Variants in SGIP1 observed in about 807,000 individuals in gnomAD.
The protein encoded by SGIP1 is SH3-containing GRB2-like protein 3-interacting protein 1.
In SGIP1, 38 loss-of-function variants were observed where a neutral mutation model predicts 107.5. That is an observed-to-expected ratio of 0.35 (90% confidence interval 0.27 to 0.46). SGIP1 has a LOEUF of 0.46. SGIP1 is among the 20% of genes least tolerant of loss of function. The pLI, the probability that SGIP1 is intolerant of heterozygous loss-of-function variation, is 1.00. For missense variants in SGIP1, 929 were observed against 1,019.5 expected, an observed-to-expected ratio of 0.91 and a Z score of 1.21; for synonymous variants, 365 against 366.1, an observed-to-expected ratio of 1.00 and a Z score of 0.03.
At chr1:66,740,930 C>T (rs1191587851) in intron 23 of SGIP1, among the ~76,000 whole-genome samples, 1 of 152,152 alleles carries the variant, frequency 6.6e-6, no homozygotes, top group African/African-American at 2.4e-5. Context: ...ATCAAACAAA[C>T]TATCATTTAG....
At position 66,548,578 on chromosome 1, in the gene SGIP1, T is replaced by G. The variant is rs577324247; in HGVS notation, c.10+14210T>G. ...TATTTTTAAATGGCTTTGAAGCACT[T>G]CAATTATTTGATAGCCGTTCTGATA... On this transcript the variant is annotated intron_variant, in intron 1 of 24. Transcript: ENST00000371037. 2.6e-5 allele frequency among the ~76,000 whole-genome samples: 4 copies of G among 152,182 alleles called. No individual in the cohort carries two copies. In the East Asian group the frequency reaches 5.8e-4, roughly 22 times the overall value.
intron 2 of SGIP1, chr1:66,628,434 G>A (rs1037610376): frequency 2.6e-5 from 4 of 154,652 alleles, no homozygotes; most frequent in African/African-American, 7.2e-5. Context: ...AGATGGAATC[G>A]AATTTCCCTA....
chr1:66,690,049 T>C (rs1179420641), intron 16 of SGIP1, 141 bp from the exon 17 acceptor site: 1 of 948,204 alleles, frequency 1.1e-6, no homozygotes, highest in Non-Finnish European at 1.6e-6. Flanking sequence ...ATAGATAGAA[T>C]TAATTTCAGT....
intron 18 of SGIP1, among the ~76,000 whole-genome samples, chr1:66,716,941 T>C (rs537388751): frequency 6.6e-6 from 1 of 152,158 alleles, no homozygotes; most frequent in East Asian, 1.9e-4. Flanking sequence ...TCCCGTGGTT[T>C]CTTAAAATGT....
At chr1:66,727,479 T>C (rs2093808617) in intron 19 of SGIP1, among the ~76,000 whole-genome samples, 1 of 152,120 alleles carries the variant, frequency 6.6e-6, no homozygotes, top group African/African-American at 2.4e-5. Flanking sequence ...AGTTAGGCAG[T>C]TTCTTTGAGA....
chr1:66,576,224 T>A (rs1233564032), intron 1 of SGIP1, among the ~76,000 whole-genome samples: 9 of 152,174 alleles, frequency 5.9e-5, no homozygotes, highest in Admixed American at 5.9e-4. Context: ...AAGGTGTTAA[T>A]GTAGTATCAA....
At chr1:66,654,250 C>CT (rs913902515) in intron 7 of SGIP1, among the ~76,000 whole-genome samples, 5 of 152,108 alleles carry the variant, frequency 3.3e-5, no homozygotes, top group African/African-American at 1.2e-4. Context: ...AACCAAGTTT[C>CT]TTTTTTCACT....
chr1:66,689,336 A>G (rs1557638090), intron 16 of SGIP1, 61 bp downstream of exon 16: 4 of 1,577,070 alleles, frequency 2.5e-6, no homozygotes, highest in African/African-American at 1.4e-5. Flanking sequence ...AGAAGCTCCA[A>G]ATGCCTTCAG....
chr1:66,639,346 A>T (rs1172895132), intron 4 of SGIP1, among the ~76,000 whole-genome samples: 1 of 152,230 alleles, frequency 6.6e-6, no homozygotes, highest in Non-Finnish European at 1.5e-5. Context: ...AATGACTTGG[A>T]TGAGTACTCT....
At chr1:66,724,919 C>T (rs1245726467) in intron 19 of SGIP1, among the ~76,000 whole-genome samples, 2 of 152,162 alleles carry the variant, frequency 1.3e-5, no homozygotes, top group Admixed American at 6.5e-5. Flanking sequence ...TTTATAAGTG[C>T]TCTAATTGTT....
At chr1:66,589,613 A>G (rs1476316702) in intron 1 of SGIP1, among the ~76,000 whole-genome samples, 2 of 152,114 alleles carry the variant, frequency 1.3e-5, no homozygotes, top group African/African-American at 4.8e-5. Context: ...ATGCCTGTGA[A>G]AAACACTCTC....
At chr1:66,576,962 G>A (rs72916358) in intron 1 of SGIP1, among the ~76,000 whole-genome samples, 8,251 of 152,236 alleles carry the variant, frequency 0.054, 765 homozygotes, top group African/African-American at 0.19. Context: ...CCTGGTGCTT[G>A]GCATGCAGCT....
At chr1:66,550,072 G>T (rs1332768347) in intron 1 of SGIP1, among the ~76,000 whole-genome samples, 2 of 152,110 alleles carry the variant, frequency 1.3e-5, no homozygotes, top group African/African-American at 4.8e-5. Context: ...ATAAGCACCT[G>T]CTCTGGCTGA....
Position 66,534,247 on chromosome 1 carries a change from G to T in SGIP1, c.-112G>T. The T allele has an allele frequency of 8.7e-7, 1 of 1,143,474 alleles. No homozygotes were observed. The highest frequency in any genetic ancestry group is 1.3e-6 in the Non-Finnish European group (1 of 755,944). The allele number at this position is 1,143,474 out of a possible 1,614,324, so 70.8% of individuals were successfully genotyped here. A position where few individuals can be genotyped will look rare whatever the true frequency, so the allele number is the denominator to read the frequency against. ...ACTTATCTCCTTTGGCTTTGACAGC[G>T]GACGGAATAGACCTCAGCAGCGGCG... On this transcript the variant is annotated 5_prime_UTR_variant, in exon 1 of 25. Coordinates refer to ENST00000371037, the MANE Select transcript of SGIP1 (RefSeq NM_032291.4).
At chr1:66,569,627 T>C (rs1016442611) in intron 1 of SGIP1, among the ~76,000 whole-genome samples, 1 of 151,884 alleles carries the variant, frequency 6.6e-6, no homozygotes, top group Non-Finnish European at 1.5e-5. Flanking sequence ...AATTTTTTTA[T>C]ACATTGTTGG....
At chr1:66,729,705 C>T (rs1231620797) in intron 20 of SGIP1, among the ~76,000 whole-genome samples, 3 of 152,178 alleles carry the variant, frequency 2.0e-5, no homozygotes, top group Non-Finnish European at 4.4e-5. Context: ...GTTTGTTCAT[C>T]GTCTGTTTTA....
intron 18 of SGIP1, among the ~76,000 whole-genome samples, chr1:66,717,689 T>G (rs1410744502): frequency 6.6e-6 from 1 of 152,130 alleles, no homozygotes; most frequent in African/African-American, 2.4e-5. Flanking sequence ...CATACCCCAG[T>G]GCCAATCTTA....
intron 1 of SGIP1, among the ~76,000 whole-genome samples, chr1:66,592,894 C>CTT (rs1558004086): frequency 2.1e-5 from 2 of 94,136 alleles, no homozygotes; most frequent in African/African-American, 8.4e-5. Context: ...CTTTCTTCTT[C>CTT]TTCTTTTTTT....
intron 7 of SGIP1, among the ~76,000 whole-genome samples, chr1:66,651,576 C>T (rs1005930349): frequency 2.0e-5 from 3 of 152,138 alleles, no homozygotes; most frequent in South Asian, 2.1e-4. Context: ...TGAAGGATAT[C>T]GATGGATGCT....
Sources: allele counts gnomAD v4.1 joint callset (sites outside exome capture counted in the v4.1 genomes callset), GRCh38; gene constraint gnomAD v4.1.1; transcripts MANE v1.5; gene names NCBI Gene and HGNC (gene_info 2026-07-23, HGNC 2026-07-21).